The following DPYSL3 variants were observed in gnomAD, a reference collection of about 807,000 sequenced individuals.
DPYSL3 encodes the protein dihydropyrimidinase like 3, also known as dihydropyrimidinase-related protein 3.
Under a neutral mutation model 66.1 loss-of-function variants are expected in DPYSL3, and 16 were observed. The ratio of observed to expected loss-of-function variants is 0.24; its 90% CI spans 0.16 to 0.37. The LOEUF (loss-of-function observed/expected upper bound fraction) is 0.37, where lower values mean the gene tolerates loss of function less well. DPYSL3 is among the 10% of genes least tolerant of loss of function. The pLI, the probability that DPYSL3 is intolerant of heterozygous loss-of-function variation, is 1.00. For synonymous variants in DPYSL3, 338 were observed against 345.1 expected, an observed-to-expected ratio of 0.98 and a Z score of 0.23; for missense variants, 738 against 916.2, an observed-to-expected ratio of 0.81 and a Z score of 2.51.
At chr5:147,464,383 C>T (rs1752982209) in intron 1 of DPYSL3, among the ~76,000 whole-genome samples, 1 of 152,062 alleles carries the variant, frequency 6.6e-6, no homozygotes. Context: ...GCCTTTTCAC[C>T]AAGGAGAAAT....
chr5:147,395,472 TGAG>T, intron 13 of DPYSL3, 84 bp downstream of exon 13: 1 of 1,496,600 alleles, frequency 6.7e-7, no homozygotes, highest in South Asian at 1.2e-5. Context: ...TCCTTCAGGT[TGAG>T]TTCTGAGGAA....
intron 3 of DPYSL3, 142 bp from the exon 4 acceptor site, chr5:147,416,015 A>T: frequency 1.1e-6 from 1 of 945,388 alleles, no homozygotes; most frequent in Non-Finnish European, 1.5e-6. Context: ...GGGTTCCCTG[A>T]TAGTTTCAAG....
At chr5:147,412,113 C>A (rs1357356747) in intron 6 of DPYSL3, among the ~76,000 whole-genome samples, 1 of 152,196 alleles carries the variant, frequency 6.6e-6, no homozygotes, top group Middle Eastern at 3.2e-3. Context: ...ACTCTTTCCT[C>A]AAGTTTCTCA....
chr5:147,453,046 G>A (rs1160878864), intron 1 of DPYSL3, among the ~76,000 whole-genome samples: 5 of 152,140 alleles, frequency 3.3e-5, no homozygotes, highest in Non-Finnish European at 5.9e-5. Flanking sequence ...AGGTGGTCCA[G>A]ACACCCTGCC....
At chr5:147,430,922 T>C (rs909099433) in intron 1 of DPYSL3, among the ~76,000 whole-genome samples, 1 of 152,144 alleles carries the variant, frequency 6.6e-6, no homozygotes, top group Non-Finnish European at 1.5e-5. Flanking sequence ...GTAAAAACTA[T>C]AATCCTATAA....
intron 1 of DPYSL3, among the ~76,000 whole-genome samples, chr5:147,438,776 T>C (rs568728548): frequency 3.0e-4 from 45 of 152,382 alleles, no homozygotes; most frequent in African/African-American, 9.9e-4. Context: ...AAGCAAGATG[T>C]ATGTTGTAAC....
At chr5:147,397,272 G>C (rs1042906396) in intron 12 of DPYSL3, among the ~76,000 whole-genome samples, 2 of 151,710 alleles carry the variant, frequency 1.3e-5, no homozygotes, top group Non-Finnish European at 2.9e-5. Context: ...AATGTTATAA[G>C]TGTTTGCCCC....
chr5:147,509,594 C>T lies in DPYSL3; in HGVS notation c.265G>A (p.Gly89Ser). ...PGIEGDTPRR[G>S]QGREESREPA... Reference sequence around the variant, plus strand: ...TCCCTGCTCTCTTCCCGGCCTTGGCCCCTGCGCGGGGTGTCCCCCTCGATC... The same window carrying T: ...TCCCTGCTCTCTTCCCGGCCTTGGCTCCTGCGCGGGGTGTCCCCCTCGATC... Residue 89 changes from glycine (G) to serine (S), a missense_variant, in exon 1 of 14, where the codon GGC (glycine) becomes AGC (serine). Gly to Ser is a moderately conservative substitution (Grantham distance 56). Transcript: ENST00000343218. The surrounding 1 kb of genome is among the most constrained non-coding windows in gnomAD (Gnocchi z 5.3). 6.5e-7 allele frequency: 1 copy of T among 1,535,488 alleles called. No homozygotes were observed. Among genetic ancestry groups the T allele is most frequent in the Non-Finnish European group, 8.7e-7 (1 of 1,146,652 alleles).
At chr5:147,405,104 A>G (rs1352194438) in intron 8 of DPYSL3, among the ~76,000 whole-genome samples, 2 of 152,186 alleles carry the variant, frequency 1.3e-5, no homozygotes, top group African/African-American at 2.4e-5. Context: ...GTTCATACTG[A>G]ACATAAACCA....
intron 6 of DPYSL3, 111 bp from the exon 7 acceptor site, chr5:147,408,907 C>T (rs1349378195): frequency 9.6e-7 from 1 of 1,044,138 alleles, no homozygotes; most frequent in African/African-American, 1.6e-5. Flanking sequence ...GTATGTTGAA[C>T]AGATGTATTA....
chr5:147,445,280 G>A (rs1303619661), intron 1 of DPYSL3, among the ~76,000 whole-genome samples: 1 of 152,178 alleles, frequency 6.6e-6, no homozygotes, highest in Non-Finnish European at 1.5e-5. Context: ...CATGTGCCCA[G>A]GTCAGGCCCT....
intron 1 of DPYSL3, among the ~76,000 whole-genome samples, chr5:147,495,997 T>C (rs1753501017): frequency 6.6e-6 from 1 of 152,172 alleles, no homozygotes; most frequent in Admixed American, 6.5e-5. Context: ...GACTTCAAAC[T>C]ATACTACAAG....
chr5:147,475,203 A>T (rs1753139707), intron 1 of DPYSL3, among the ~76,000 whole-genome samples: 2 of 152,134 alleles, frequency 1.3e-5, no homozygotes, highest in African/African-American at 4.8e-5. Flanking sequence ...CACCCCAAAT[A>T]TCCTTCAAAA....
At chr5:147,471,965 C>T (rs1753092950) in intron 1 of DPYSL3, among the ~76,000 whole-genome samples, 1 of 152,142 alleles carries the variant, frequency 6.6e-6, no homozygotes, top group African/African-American at 2.4e-5. Flanking sequence ...AGGTTTCTGT[C>T]TCGGGTTGTC....
intron 1 of DPYSL3, chr5:147,453,807 C>G (rs886239418): frequency 2.4e-6 from 3 of 1,224,998 alleles, no homozygotes; most frequent in African/African-American, 1.6e-5. Context: ...CCCGCCCCCC[C>G]ACGCACACCC....
At chr5:147,455,713 C>T (rs957569716) in intron 1 of DPYSL3, among the ~76,000 whole-genome samples, 1 of 151,988 alleles carries the variant, frequency 6.6e-6, no homozygotes. Flanking sequence ...GGATCTTGCA[C>T]ATTTTTCTCA....
chr5:147,484,375 T>C (rs566515221), intron 1 of DPYSL3, among the ~76,000 whole-genome samples: 1 of 152,262 alleles, frequency 6.6e-6, no homozygotes, highest in Non-Finnish European at 1.5e-5. Context: ...ATGGTTTCTA[T>C]GGAAATTATG....
intron 1 of DPYSL3, among the ~76,000 whole-genome samples, chr5:147,477,205 T>C (rs138685655): frequency 0.013 from 1,940 of 152,292 alleles, 107 homozygotes; most frequent in Admixed American, 0.092. Flanking sequence ...ACGGAATACA[T>C]TGTCTGGAAG....
intron 3 of DPYSL3, among the ~76,000 whole-genome samples, chr5:147,416,769 G>A (rs1398240761): frequency 6.6e-6 from 1 of 152,126 alleles, no homozygotes; most frequent in Non-Finnish European, 1.5e-5. Context: ...TGGTTCCAAG[G>A]ATGTTTGCTA....
Sources: allele counts gnomAD v4.1 joint callset (sites outside exome capture counted in the v4.1 genomes callset), GRCh38; gene constraint gnomAD v4.1.1; non-coding constraint Gnocchi (gnomAD v3.1); transcripts MANE v1.5; gene names NCBI Gene and HGNC (gene_info 2026-07-23, HGNC 2026-07-21).